The following ST6GALNAC5 variants were observed in gnomAD, a reference collection of about 807,000 sequenced individuals.
The protein encoded by ST6GALNAC5 is ST6 N-acetylgalactosaminide alpha-2,6-sialyltransferase 5, also known as alpha-N-acetylgalactosaminide alpha-2,6-sialyltransferase 5.
In ST6GALNAC5, 27 loss-of-function variants were observed where a neutral mutation model predicts 33.6. The ratio of observed to expected loss-of-function variants is 0.80; its 90% CI spans 0.59 to 1.11. The LOEUF (loss-of-function observed/expected upper bound fraction) is 1.11, where lower values mean the gene tolerates loss of function less well. ST6GALNAC5 is among the 50% of genes least tolerant of loss of function. The pLI, the probability that ST6GALNAC5 is intolerant of heterozygous loss-of-function variation, is 0.00. For synonymous variants in ST6GALNAC5, 194 were observed against 171.2 expected (o/e 1.13, Z -1.04); for missense variants, 428 against 454.0 (o/e 0.94, Z 0.52).
At chr1:77,013,719 G>A (rs544643388) in intron 2 of ST6GALNAC5, among the ~76,000 whole-genome samples, 9 of 152,194 alleles carry the variant, frequency 5.9e-5, no homozygotes, top group South Asian at 4.2e-4. Context: ...GCATTGACAC[G>A]GGGGCTCACC....
chr1:76,998,319 C>G (rs929272631), intron 2 of ST6GALNAC5, among the ~76,000 whole-genome samples: 3 of 151,912 alleles, frequency 2.0e-5, no homozygotes, highest in Non-Finnish European at 2.9e-5. Flanking sequence ...TCGCTTGAGC[C>G]CAGAAGTTTG....
At chr1:76,907,496 G>A (rs1254732792) in intron 2 of ST6GALNAC5, among the ~76,000 whole-genome samples, 1 of 152,146 alleles carries the variant, frequency 6.6e-6, no homozygotes, top group Non-Finnish European at 1.5e-5. Flanking sequence ...AAGTAGAACA[G>A]ACATTTAGTC....
chr1:76,931,527 AC>A (rs1647141977), intron 2 of ST6GALNAC5, among the ~76,000 whole-genome samples: 2 of 152,120 alleles, frequency 1.3e-5, no homozygotes, highest in African/African-American at 4.8e-5. Context: ...TCTTCTTTTT[AC>A]TAGCATCAGA....
intron 2 of ST6GALNAC5, among the ~76,000 whole-genome samples, chr1:76,877,178 C>A (rs1024919099): frequency 6.6e-6 from 1 of 152,182 alleles, no homozygotes; most frequent in Non-Finnish European, 1.5e-5. Context: ...TAATTATCTG[C>A]AGATGGCAGG....
At chr1:76,895,178 C>G (rs1008400332) in intron 2 of ST6GALNAC5, among the ~76,000 whole-genome samples, 37 of 152,216 alleles carry the variant, frequency 2.4e-4, no homozygotes, top group Admixed American at 1.4e-3. Context: ...ACGTGCAGGT[C>G]ACAAGGGATA....
Position 76,910,819 on chromosome 1 carries a change from T to A in ST6GALNAC5, c.261+42077T>A, listed in dbSNP as rs1406353617. On this transcript the variant is annotated intron_variant, in intron 2 of 4. Transcript: ENST00000477717. Reference sequence around the variant, plus strand: ...ATGCCTTTCAAAATCCCAGTGACTATAAAATTCTGCTCCTCTGACTATACA... The same window carrying A: ...ATGCCTTTCAAAATCCCAGTGACTAAAAAATTCTGCTCCTCTGACTATACA... 2.0e-5 allele frequency among the ~76,000 whole-genome samples: 3 copies of A among 151,814 alleles called. No individual in the cohort carries two copies. In the Admixed American group the frequency reaches 2.0e-4, roughly 10 times the overall value.
At chr1:77,037,951 T>G (rs962120937) in intron 2 of ST6GALNAC5, among the ~76,000 whole-genome samples, 1 of 152,232 alleles carries the variant, frequency 6.6e-6, no homozygotes, top group Non-Finnish European at 1.5e-5. Context: ...GCACCATTAC[T>G]TGAGATGGCA....
chr1:76,899,127 C>T (rs534498289), intron 2 of ST6GALNAC5, among the ~76,000 whole-genome samples: 7 of 152,062 alleles, frequency 4.6e-5, no homozygotes, highest in South Asian at 2.1e-4. Context: ...GAACTACTGT[C>T]GAGTTTGTAT....
rs1237242767 is a variant in ST6GALNAC5 at position 76,972,103 on chromosome 1, A to T, written c.262-72101A>T. ...AGACTGGGTAACTTATAAAGGAAAG[A>T]GGTTTAAGTGACTCACAGTTCCACA... On this transcript the variant is annotated intron_variant, in intron 2 of 4. Coordinates refer to ENST00000477717, the MANE Select transcript of ST6GALNAC5 (RefSeq NM_030965.3). 2.0e-5 allele frequency among the ~76,000 whole-genome samples: 3 copies of T among 152,216 alleles called. No individual in the cohort carries two copies. The East Asian group carries it at 5.8e-4, about 29-fold the overall frequency.
chr1:77,034,804 T>C (rs1041419389), intron 2 of ST6GALNAC5, among the ~76,000 whole-genome samples: 2 of 152,234 alleles, frequency 1.3e-5, no homozygotes, highest in African/African-American at 4.8e-5. Context: ...CACTTCTAGG[T>C]TGCAACTTAA....
chr1:76,929,981 GGTT>G (rs367934489), intron 2 of ST6GALNAC5, among the ~76,000 whole-genome samples: 1 of 152,076 alleles, frequency 6.6e-6, no homozygotes, highest in African/African-American at 2.4e-5. Context: ...AATTACACTT[GGTT>G]GTTTTCATAT....
At chr1:76,930,708 G>A (rs1348154592) in intron 2 of ST6GALNAC5, among the ~76,000 whole-genome samples, 1 of 152,064 alleles carries the variant, frequency 6.6e-6, no homozygotes, top group Admixed American at 6.6e-5. Flanking sequence ...GAAAACTCAA[G>A]CTTCTATGTT....
At chr1:77,044,708 T>C (rs1651951754) in intron 3 of ST6GALNAC5, 95 bp downstream of exon 3, 9 of 1,440,960 alleles carry the variant, frequency 6.2e-6, no homozygotes, top group Admixed American at 2.3e-5. Flanking sequence ...CAGGCTTTTG[T>C]TGTGGGCTCC....
intron 2 of ST6GALNAC5, among the ~76,000 whole-genome samples, chr1:76,896,688 T>C (rs982257463): frequency 6.6e-6 from 1 of 152,070 alleles, no homozygotes; most frequent in Non-Finnish European, 1.5e-5. Flanking sequence ...ACAATGGTAA[T>C]TGTCGGACTT....
intron 2 of ST6GALNAC5, among the ~76,000 whole-genome samples, chr1:77,005,247 C>T (rs191300695): frequency 8.6e-4 from 131 of 152,310 alleles, no homozygotes; most frequent in African/African-American, 2.8e-3. Context: ...GGGAGTGACC[C>T]GATTTTCCAG....
intron 2 of ST6GALNAC5, among the ~76,000 whole-genome samples, chr1:76,966,744 T>C (rs1482820197): frequency 6.6e-6 from 1 of 152,222 alleles, no homozygotes; most frequent in Non-Finnish European, 1.5e-5. Flanking sequence ...TTGTCATAAA[T>C]AGCTCTTATT....
chr1:76,966,553 AT>A (rs1386657670), intron 2 of ST6GALNAC5, among the ~76,000 whole-genome samples: 2 of 152,160 alleles, frequency 1.3e-5, no homozygotes, highest in African/African-American at 4.8e-5. Flanking sequence ...AAAAGGGACA[AT>A]TTGACTTCCT....
chr1:76,877,396 C>T (rs1045673650), intron 2 of ST6GALNAC5, among the ~76,000 whole-genome samples: 1 of 152,152 alleles, frequency 6.6e-6, no homozygotes. Context: ...AAACTGGCAG[C>T]CTTTCGGGTC....
At chr1:76,962,678 G>A (rs937500075) in intron 2 of ST6GALNAC5, among the ~76,000 whole-genome samples, 2 of 152,182 alleles carry the variant, frequency 1.3e-5, no homozygotes, top group African/African-American at 2.4e-5. Context: ...TCTAGTGCAT[G>A]TGCACACACA....
Sources: gnomAD v4.1 joint callset for allele counts (sites outside exome capture counted in the v4.1 genomes callset) on GRCh38, gnomAD v4.1.1 for gene constraint, MANE v1.5 for transcripts, NCBI Gene and HGNC (gene_info 2026-07-23, HGNC 2026-07-21) for gene names.